The following TNFRSF14 variants were observed in gnomAD, a reference collection of about 807,000 sequenced individuals.
The protein encoded by TNFRSF14 is tumor necrosis factor receptor superfamily member 14.
TNFRSF14 carries 18 observed loss-of-function variants against 34.1 expected under a neutral mutation model. The observed-to-expected ratio is 0.53, with a 90% CI of 0.36 to 0.78. The LOEUF (loss-of-function observed/expected upper bound fraction) is 0.78, where lower values mean the gene tolerates loss of function less well. Among genes scored for constraint, TNFRSF14 ranks in the 30% least tolerant of loss-of-function variants. The pLI is 0.00. For synonymous variants in TNFRSF14, 157 were observed against 153.2 expected (o/e 1.02, Z -0.18); for missense variants, 352 against 379.5 (o/e 0.93, Z 0.60).
At position 2,563,552 on chromosome 1, in the gene TNFRSF14, C is replaced by G. The variant is rs1387586474; in HGVS notation, c.*279C>G. 4.6e-6 allele frequency: 2 copies of G among 434,546 alleles called. No individual in the cohort carries two copies. Among genetic ancestry groups the G allele is most frequent in the Non-Finnish European group, 8.3e-6 (2 of 242,174 alleles). The allele number at this position is 434,546 out of a possible 1,614,324, so 26.9% of individuals were successfully genotyped here. A position where few individuals can be genotyped will look rare whatever the true frequency, so the allele number is the denominator to read the frequency against. The stretch of plus-strand genomic sequence containing the variant: ...AGGAGCGCCAGTTGCCCCTCGCTCA[C>G]AGACCACACACCCAGCCCTCCTGGG... On this transcript the variant is annotated 3_prime_UTR_variant, in exon 8 of 8. Coordinates refer to ENST00000355716, the MANE Select transcript of TNFRSF14 (RefSeq NM_003820.4).
At chr1:2,562,954 C>T (rs1028586572) in intron 7 of TNFRSF14, 58 bp downstream of exon 7, 32 of 1,554,864 alleles carry the variant, frequency 2.1e-5, no homozygotes, top group African/African-American at 1.9e-4. Context: ...CCCCTCTCCC[C>T]GCTGGGGCTG....
In TNFRSF14 at chr1:2,561,248, G is replaced by C. The variant is rs1644304088; in HGVS notation, c.552-425G>C. On this transcript the variant is annotated intron_variant, in intron 5 of 7. Coordinates refer to ENST00000355716, the MANE Select transcript of TNFRSF14 (RefSeq NM_003820.4). The surrounding 1 kb of genome is among the most constrained non-coding windows in gnomAD (Gnocchi z 6.0). ...AGGGGGCGGTGGGGCCTTCCATCCT[G>C]CTCTGCCCTCCTCGTCCTCTGGCCC... 2 of 484,872 alleles carry C rather than the reference G, an allele frequency of 4.1e-6. No homozygotes were observed. Among genetic ancestry groups the C allele is most frequent in the Non-Finnish European group, 7.3e-6 (2 of 274,504 alleles). 30.0% of individuals were successfully genotyped at this position (484,872 alleles called of 1,614,324 possible). A position where few individuals can be genotyped will look rare whatever the true frequency, so the allele number is the denominator to read the frequency against.
Position 2,562,799 on chromosome 1 carries a change from T to G in TNFRSF14, c.695-66T>G. Reference sequence around the variant, plus strand: ...GCCTCCGCCACCGCTGTGAGACCATTGCCATGAGCCTGTGTCCCCTGATCA... The same window carrying G: ...GCCTCCGCCACCGCTGTGAGACCATGGCCATGAGCCTGTGTCCCCTGATCA... On this transcript the variant is annotated intron_variant, in intron 6 of 7. Coordinates refer to ENST00000355716, the MANE Select transcript of TNFRSF14 (RefSeq NM_003820.4). 2.5e-6 allele frequency: 4 copies of G among 1,602,954 alleles called. No individual in the cohort carries two copies. The East Asian group carries it at 6.7e-5, about 27-fold the overall frequency.
chr1:2,560,052 T>A (rs1644285274), intron 4 of TNFRSF14, 74 bp downstream of exon 4: 1 of 1,456,350 alleles, frequency 6.9e-7, no homozygotes, highest in Non-Finnish European at 9.1e-7. Context: ...GAGCCCCAGG[T>A]TTCCTCGACG....
intron 7 of TNFRSF14, 44 bp from the exon 8 acceptor site, chr1:2,563,104 G>T: frequency 3.1e-6 from 5 of 1,608,506 alleles, no homozygotes; most frequent in Non-Finnish European, 4.3e-6. Flanking sequence ...GGAGTCCCAG[G>T]GGGGCCTGAG....
Position 2,556,548 on chromosome 1 carries a change from A to G in TNFRSF14, c.-117A>G. On this transcript the variant is annotated 5_prime_UTR_variant, in exon 1 of 8. Coordinates refer to ENST00000355716, the MANE Select transcript of TNFRSF14 (RefSeq NM_003820.4). ...GGCACAGCTTGTCACACCGAGGCGG[A>G]TTCTCTTTCTCTTTCTCTTTCTCTT... 5 of 1,021,418 alleles carry G rather than the reference A, an allele frequency of 4.9e-6. No homozygotes were observed. Among genetic ancestry groups the G allele is most frequent in the Non-Finnish European group, 6.0e-6 (4 of 665,774 alleles). 63.3% of individuals were successfully genotyped at this position (1,021,418 alleles called of 1,614,324 possible). A position where few individuals can be genotyped will look rare whatever the true frequency, so the allele number is the denominator to read the frequency against.
chr1:2,559,466 G>C, intron 3 of TNFRSF14: 1 of 1,430,710 alleles, frequency 7.0e-7, no homozygotes, highest in Non-Finnish European at 9.3e-7. Flanking sequence ...TTGCGGGGTG[G>C]GTGTCTGGGT....
In TNFRSF14 at chr1:2,556,549, T is replaced by G; in HGVS notation, c.-116T>G. On this transcript the variant is annotated 5_prime_UTR_variant, in exon 1 of 8. Transcript: ENST00000355716. ...GCACAGCTTGTCACACCGAGGCGGA[T>G]TCTCTTTCTCTTTCTCTTTCTCTTC... The G allele has an allele frequency of 1.6e-4, 155 of 983,558 alleles. No homozygotes were observed. Among genetic ancestry groups the G allele is most frequent in the Non-Finnish European group, 2.1e-4 (136 of 635,350 alleles). The allele number at this position is 983,558 out of a possible 1,614,324, so 60.9% of individuals were successfully genotyped here.
At position 2,556,652 on chromosome 1, in the gene TNFRSF14, C is replaced by G; in HGVS notation, c.-13C>G. The G allele has an allele frequency of 6.2e-7, 1 of 1,609,318 alleles. No homozygotes were observed. The highest frequency in any genetic ancestry group is 1.1e-5 in the South Asian group (1 of 90,216). ...CTAGCTGGGTTCCCGAGCTGCCGGTCTGAGCCTGAGGCATGGAGCCTCCTG... is the reference window on the plus strand; with the variant it reads ...CTAGCTGGGTTCCCGAGCTGCCGGTGTGAGCCTGAGGCATGGAGCCTCCTG... On this transcript the variant is annotated 5_prime_UTR_variant, in exon 1 of 8. Coordinates refer to ENST00000355716, the MANE Select transcript of TNFRSF14 (RefSeq NM_003820.4).
At chr1:2,559,015 G>A in intron 3 of TNFRSF14, 13 of 1,368,158 alleles carry the variant, frequency 9.5e-6, no homozygotes, top group African/African-American at 1.4e-5. Context: ...TGTCCATGCG[G>A]CCAACGGCTC....
chr1:2,556,435 C>G lies in TNFRSF14; in HGVS notation c.-230C>G, dbSNP rs1374006957. The G allele has an allele frequency of 1.4e-6, 1 of 697,020 alleles. No homozygotes were observed. 43.2% of individuals were successfully genotyped at this position (697,020 alleles called of 1,614,324 possible). On this transcript the variant is annotated 5_prime_UTR_variant, in exon 1 of 8. Transcript: ENST00000355716. The stretch of plus-strand genomic sequence containing the variant: ...GCCTCCCGCAGGGCCCACCTGTGTC[C>G]CCCAGCGCCGCTCCACCCAGCAGGC...
In TNFRSF14 at chr1:2,557,837, A is replaced by G. The variant is rs754762349; in HGVS notation, c.178+3A>G. On this transcript the variant is annotated splice_donor_region_variant and intron_variant, in intron 2 of 7. Transcript: ENST00000355716. ...GTGCTGCCCCAAGTGCAGTCCAGGT[A>G]GGTGCAGCCCTTTGGCGGGCCAGCT... The G allele has an allele frequency of 5.6e-6, 9 of 1,603,966 alleles. No homozygotes were observed. The highest frequency in any genetic ancestry group is 7.7e-6 in the Non-Finnish European group (9 of 1,174,236).
At chr1:2,558,496 C>G in intron 3 of TNFRSF14, 28 bp downstream of exon 3, 1 of 1,611,380 alleles carries the variant, frequency 6.2e-7, no homozygotes, top group East Asian at 2.2e-5. Flanking sequence ...CCGGCCCAGC[C>G]TCCGCTTGGG....
intron 3 of TNFRSF14, chr1:2,559,193 G>A: frequency 1.5e-6 from 2 of 1,369,274 alleles, no homozygotes; most frequent in Non-Finnish European, 1.9e-6. Context: ...AAGCTGGAGT[G>A]CTTTGGGGGT....
Position 2,556,606 on chromosome 1 carries a change from C to T in TNFRSF14, c.-59C>T, listed in dbSNP as rs767978512. ...ACAGCCGCAGCAATGGCGCTGAGTTCCTCTGCTGGAGTTCATCCTGCTAGC... is the reference window on the plus strand; with the variant it reads ...ACAGCCGCAGCAATGGCGCTGAGTTTCTCTGCTGGAGTTCATCCTGCTAGC... On this transcript the variant is annotated 5_prime_UTR_variant, in exon 1 of 8. Transcript: ENST00000355716. 13 of 1,521,484 alleles carry T rather than the reference C, an allele frequency of 8.5e-6. No homozygotes were observed. The highest frequency in any genetic ancestry group is 1.2e-5 in the Non-Finnish European group (13 of 1,107,494). 94.2% of individuals were successfully genotyped at this position (1,521,484 alleles called of 1,614,324 possible). A position where few individuals can be genotyped will look rare whatever the true frequency, so the allele number is the denominator to read the frequency against.
upstream of TNFRSF14, chr1:2,556,061 C>G (rs1193460396): frequency 3.7e-6 from 1 of 266,806 alleles, no homozygotes. Flanking sequence ...TTTCCCACCC[C>G]CTCACGCAGG....
At position 2,557,719 on chromosome 1, in the gene TNFRSF14, C is replaced by T. The variant is rs200240746; in HGVS notation, c.70-7C>T. On this transcript the variant is annotated splice_region_variant and splice_polypyrimidine_tract_variant and intron_variant, in intron 1 of 7. Transcript: ENST00000355716. ...GCATCTCCCAATGCCTGTCCTGACC[C>T]CCTTAGGTGCTGTATCTCACCTTCC... 3.2e-5 allele frequency: 51 copies of T among 1,598,688 alleles called. No homozygotes were observed. The Admixed American group carries it at 6.8e-4, about 21-fold the overall frequency.
At position 2,561,983 on chromosome 1, in the gene TNFRSF14, C is replaced by A; in HGVS notation, c.694+168C>A. The A allele has an allele frequency of 2.6e-6, 2 of 767,214 alleles. No homozygotes were observed. The highest frequency in any genetic ancestry group is 2.5e-5 in the East Asian group (1 of 39,328). 47.5% of individuals were successfully genotyped at this position (767,214 alleles called of 1,614,324 possible). A position where few individuals can be genotyped will look rare whatever the true frequency, so the allele number is the denominator to read the frequency against. The stretch of plus-strand genomic sequence containing the variant: ...GTGGGCTTTCTGCTGTGGCCAGAGC[C>A]CAGGTGTCAGCTGGCCTCCCTGGGG... On this transcript the variant is annotated intron_variant, in intron 6 of 7. Coordinates refer to ENST00000355716, the MANE Select transcript of TNFRSF14 (RefSeq NM_003820.4). This position sits in a 1 kb window ranked among gnomAD's most constrained non-coding sequence, Gnocchi z 6.0.
intron 1 of TNFRSF14, among the ~76,000 whole-genome samples, chr1:2,557,369 G>C (rs1343346811): frequency 2.6e-5 from 4 of 152,198 alleles, no homozygotes; most frequent in Admixed American, 6.5e-5. Context: ...CTCTTCAGGG[G>C]TCAGCAGGTC....
Sources: gnomAD v4.1 joint callset for allele counts (sites outside exome capture counted in the v4.1 genomes callset) on GRCh38, gnomAD v4.1.1 for gene constraint, Gnocchi (gnomAD v3.1) non-coding constraint, MANE v1.5 for transcripts, NCBI Gene and HGNC (gene_info 2026-07-23, HGNC 2026-07-21) for gene names.